The following FGGY variants were observed in gnomAD, a reference collection of about 807,000 sequenced individuals.
FGGY encodes the protein FGGY carbohydrate kinase domain-containing protein.
Under a neutral mutation model 71.3 loss-of-function variants are expected in FGGY, and 72 were observed. The ratio of observed to expected loss-of-function variants is 1.01; its 90% confidence interval spans 0.84 to 1.23. The LOEUF (loss-of-function observed/expected upper bound fraction) is 1.23. FGGY is among the 50% of genes most tolerant of loss of function. The pLI is 0.00. For synonymous variants in FGGY, 251 were observed against 250.3 expected (o/e 1.00, Z -0.02); for missense variants, 668 against 682.3 (o/e 0.98, Z 0.23).
intron 14 of FGGY, among the ~76,000 whole-genome samples, chr1:59,690,863 G>A (rs1049937248): frequency 3.9e-5 from 6 of 152,218 alleles, no homozygotes; most frequent in African/African-American, 1.4e-4. Flanking sequence ...CTTTACTTGT[G>A]CACATTAGCT....
At chr1:59,336,475 G>T (rs1341013187) in intron 2 of FGGY, among the ~76,000 whole-genome samples, 2 of 83,428 alleles carry the variant, frequency 2.4e-5, no homozygotes, top group Non-Finnish European at 2.1e-5. Context: ...AATAAAACCT[G>T]CTAGTTTTTT....
intron 9 of FGGY, among the ~76,000 whole-genome samples, chr1:59,615,875 A>C (rs1032074776): frequency 2.0e-5 from 3 of 152,220 alleles, no homozygotes; most frequent in African/African-American, 7.2e-5. Context: ...ACATTTATGT[A>C]GCCAAAAGAC....
At chr1:59,589,412 G>A (rs1309360120) in intron 8 of FGGY, among the ~76,000 whole-genome samples, 1 of 152,100 alleles carries the variant, frequency 6.6e-6, no homozygotes, top group Non-Finnish European at 1.5e-5. Flanking sequence ...CCCAGGAATT[G>A]AACTCAACTC....
At chr1:59,739,561 A>G (rs1474701538) in intron 14 of FGGY, among the ~76,000 whole-genome samples, 1 of 152,180 alleles carries the variant, frequency 6.6e-6, no homozygotes, top group Non-Finnish European at 1.5e-5. Context: ...TTCCAGCTAA[A>G]CAGACCTGTC....
chr1:59,624,829 G>T (rs2096841864), intron 9 of FGGY, among the ~76,000 whole-genome samples: 1 of 152,144 alleles, frequency 6.6e-6, no homozygotes, highest in Non-Finnish European at 1.5e-5. Flanking sequence ...AGATTTATGG[G>T]AGTTACAATT....
chr1:59,575,601 G>A (rs772034972), intron 8 of FGGY, among the ~76,000 whole-genome samples: 5 of 152,158 alleles, frequency 3.3e-5, no homozygotes, highest in African/African-American at 4.8e-5. Flanking sequence ...TTTGCATTTC[G>A]TTTAGATACA....
chr1:59,589,288 A>T (rs1189631108), intron 8 of FGGY, among the ~76,000 whole-genome samples: 2 of 152,244 alleles, frequency 1.3e-5, no homozygotes, highest in Non-Finnish European at 2.9e-5. Context: ...TTCATAATGC[A>T]AGTCCTGAGT....
At chr1:59,668,758 G>T (rs1294131522) in intron 13 of FGGY, among the ~76,000 whole-genome samples, 3 of 151,986 alleles carry the variant, frequency 2.0e-5, no homozygotes, top group Non-Finnish European at 1.5e-5. Context: ...CGAGGTGGGC[G>T]GATCACCTGA....
At chr1:59,463,445 T>C (rs1362366015) in intron 6 of FGGY, among the ~76,000 whole-genome samples, 1 of 152,150 alleles carries the variant, frequency 6.6e-6, no homozygotes, top group East Asian at 1.9e-4. Context: ...AGGAAGCAAC[T>C]GCATCAACTA....
intron 9 of FGGY, among the ~76,000 whole-genome samples, chr1:59,614,571 C>G (rs540630036): frequency 6.6e-6 from 1 of 152,284 alleles, no homozygotes; most frequent in African/African-American, 2.4e-5. Context: ...TGGAAGCATT[C>G]CCTTTGAAAA....
chr1:59,668,186 C>G (rs2097342468), intron 13 of FGGY, among the ~76,000 whole-genome samples: 1 of 152,124 alleles, frequency 6.6e-6, no homozygotes, highest in Non-Finnish European at 1.5e-5. Flanking sequence ...AAGGAAGGGG[C>G]CCCATTGGCA....
chr1:59,604,542 A>G (rs1291244424), intron 8 of FGGY, among the ~76,000 whole-genome samples: 2 of 152,240 alleles, frequency 1.3e-5, no homozygotes, highest in Non-Finnish European at 2.9e-5. Context: ...CAAAGCCACA[A>G]TCTTCTAATG....
chr1:59,621,252 G>C (rs377220326), intron 9 of FGGY, among the ~76,000 whole-genome samples: 168 of 152,082 alleles, frequency 1.1e-3, no homozygotes, highest in African/African-American at 4.0e-3. Flanking sequence ...TGGGATTGAG[G>C]CTTCAATATA....
chr1:59,715,417 C>T (rs138354735), intron 14 of FGGY, among the ~76,000 whole-genome samples: 98 of 152,240 alleles, frequency 6.4e-4, no homozygotes, highest in African/African-American at 2.2e-3. Flanking sequence ...CATTGGGATC[C>T]GCAGCCCAAT....
At chr1:59,630,227 A>G (rs2096896012) in intron 10 of FGGY, among the ~76,000 whole-genome samples, 1 of 152,182 alleles carries the variant, frequency 6.6e-6, no homozygotes, top group Non-Finnish European at 1.5e-5. Flanking sequence ...TCCCTCCCAC[A>G]ACACATGAGG....
At chr1:59,642,609 G>A (rs2097045936) in intron 11 of FGGY, among the ~76,000 whole-genome samples, 1 of 133,720 alleles carries the variant, frequency 7.5e-6, no homozygotes, top group South Asian at 2.4e-4. Context: ...TGGGTGACAA[G>A]AGCGAGACTC....
chr1:59,739,213 G>A (rs542870998), intron 14 of FGGY, among the ~76,000 whole-genome samples: 36 of 152,236 alleles, frequency 2.4e-4, no homozygotes, highest in Middle Eastern at 3.4e-3. Flanking sequence ...TTATATATTG[G>A]GGGTAGAAAA....
At chr1:59,391,689 A>T in intron 5 of FGGY, among the ~76,000 whole-genome samples, 1 of 152,134 alleles carries the variant, frequency 6.6e-6, no homozygotes, top group East Asian at 1.9e-4. Flanking sequence ...CTTTTTCCCC[A>T]GTTCTCTGCT....
intron 5 of FGGY, among the ~76,000 whole-genome samples, chr1:59,409,743 T>A (rs1243519239): frequency 6.6e-6 from 1 of 152,092 alleles, no homozygotes; most frequent in Non-Finnish European, 1.5e-5. Context: ...TGTGCTTCAT[T>A]TCCTCCTTGG....
Sources: allele counts gnomAD v4.1 joint callset (sites outside exome capture counted in the v4.1 genomes callset), GRCh38; gene constraint gnomAD v4.1.1; transcripts MANE v1.5; gene names NCBI Gene and HGNC (gene_info 2026-07-23, HGNC 2026-07-21).